CMTM8: variants seen among roughly 807,000 people sequenced by gnomAD.
The protein encoded by CMTM8 is CKLF-like MARVEL transmembrane domain-containing protein 8.
A neutral mutation model predicts 18.6 loss-of-function variants in CMTM8; 12 were observed. The observed-to-expected ratio is 0.65, with a 90% confidence interval of 0.41 to 1.05. The LOEUF (loss-of-function observed/expected upper bound fraction) is 1.05, where lower values mean the gene tolerates loss of function less well. CMTM8 is among the 50% of genes least tolerant of loss of function. The pLI is 0.00. For missense variants in CMTM8, 217 were observed against 227.2 expected (o/e 0.95, Z 0.29); for synonymous variants, 87 against 90.6 (o/e 0.96, Z 0.23).
chr3:32,345,172 C>T (rs1031439683), intron 1 of CMTM8, among the ~76,000 whole-genome samples: 12 of 152,070 alleles, frequency 7.9e-5, no homozygotes, highest in African/African-American at 2.9e-4. Context: ...GGCAAGACCT[C>T]GTTTCTACAA....
chr3:32,290,008 G>A (rs1471083359), intron 1 of CMTM8, among the ~76,000 whole-genome samples: 1 of 152,164 alleles, frequency 6.6e-6, no homozygotes, highest in Non-Finnish European at 1.5e-5. Flanking sequence ...GTGCACACCT[G>A]TAGCCCCAGC....
intron 1 of CMTM8, among the ~76,000 whole-genome samples, chr3:32,314,480 AT>A (rs57318880): frequency 0.64 from 93,234 of 146,670 alleles, 29,350 homozygotes; most frequent in African/African-American, 0.69. Context: ...AAGCCAGAAA[AT>A]TTTTTTTTTT....
intron 1 of CMTM8, among the ~76,000 whole-genome samples, chr3:32,270,818 A>C (rs1343842533): frequency 6.6e-6 from 1 of 152,146 alleles, no homozygotes; most frequent in Admixed American, 6.5e-5. Flanking sequence ...ATGTATACAT[A>C]TGTAACTAAC....
At chr3:32,274,835 G>C (rs961066014) in intron 1 of CMTM8, among the ~76,000 whole-genome samples, 1 of 152,192 alleles carries the variant, frequency 6.6e-6, no homozygotes, top group Non-Finnish European at 1.5e-5. Context: ...CAAGTGAGCT[G>C]TTTGGGGAAT....
chr3:32,338,901 C>A (rs371354487), intron 1 of CMTM8, among the ~76,000 whole-genome samples: 5 of 152,196 alleles, frequency 3.3e-5, no homozygotes, highest in East Asian at 1.9e-4. Context: ...TTAACTGGGG[C>A]TGAAGAATCC....
intron 1 of CMTM8, among the ~76,000 whole-genome samples, chr3:32,253,877 T>C (rs58104890): frequency 0.042 from 6,366 of 152,084 alleles, 466 homozygotes; most frequent in East Asian, 0.32. Flanking sequence ...TGTGCCCAGC[T>C]TGTCCCTTTA....
intron 1 of CMTM8, among the ~76,000 whole-genome samples, chr3:32,298,941 G>GTA (rs1163701245): frequency 0.016 from 2,010 of 124,984 alleles, 46 homozygotes; most frequent in African/African-American, 0.047. Context: ...ATATATATAT[G>GTA]TATATATATA....
intron 1 of CMTM8, among the ~76,000 whole-genome samples, chr3:32,318,652 C>A (rs958715798): frequency 1.3e-5 from 2 of 150,850 alleles, no homozygotes; most frequent in Non-Finnish European, 2.9e-5. Context: ...CTGTAAGCTC[C>A]GCCTCCCAGG....
At chr3:32,244,738 G>C (rs2125527491) in intron 1 of CMTM8, among the ~76,000 whole-genome samples, 1 of 152,226 alleles carries the variant, frequency 6.6e-6, no homozygotes, top group South Asian at 2.1e-4. Flanking sequence ...TGTTTCTAGG[G>C]TTTACTAGCA....
intron 1 of CMTM8, among the ~76,000 whole-genome samples, chr3:32,295,811 C>T (rs1172909314): frequency 2.0e-5 from 3 of 152,114 alleles, no homozygotes; most frequent in Non-Finnish European, 2.9e-5. Flanking sequence ...CTGTGTGATC[C>T]GGGGCCTGCC....
At chr3:32,324,356 G>T (rs115081811) in intron 1 of CMTM8, among the ~76,000 whole-genome samples, 1,980 of 152,240 alleles carry the variant, frequency 0.013, 28 homozygotes, top group Middle Eastern at 0.027. Flanking sequence ...GTTATTCCCA[G>T]AGAAAAAGGG....
At chr3:32,252,347 T>C (rs1367467447) in intron 1 of CMTM8, among the ~76,000 whole-genome samples, 1 of 152,220 alleles carries the variant, frequency 6.6e-6, no homozygotes, top group East Asian at 1.9e-4. Context: ...AATTTTCTAT[T>C]TCTTTGCTAT....
intron 1 of CMTM8, among the ~76,000 whole-genome samples, chr3:32,337,999 A>ATTTTTTTTTTTTTTTTTT: frequency 1.4e-5 from 1 of 73,970 alleles, no homozygotes; most frequent in Non-Finnish European, 2.6e-5. Flanking sequence ...TTTTTTTTTA[A>ATTTTTTTTTTTTTTTTTT]ATTGAGATGG....
At chr3:32,331,551 C>CA (rs370967984) in intron 1 of CMTM8, among the ~76,000 whole-genome samples, 40,692 of 138,076 alleles carry the variant, frequency 0.29, 5,942 homozygotes, top group Non-Finnish European at 0.35. Flanking sequence ...ATAAACCATA[C>CA]AAAAAAAAAA....
At chr3:32,271,648 A>G (rs1273449991) in intron 1 of CMTM8, among the ~76,000 whole-genome samples, 1 of 152,064 alleles carries the variant, frequency 6.6e-6, no homozygotes. Context: ...TTCTAGGTTG[A>G]TGGCCTCCTG....
At chr3:32,341,813 G>T (rs555248674) in intron 1 of CMTM8, among the ~76,000 whole-genome samples, 5 of 152,208 alleles carry the variant, frequency 3.3e-5, no homozygotes, top group African/African-American at 1.2e-4. Flanking sequence ...GGGGTCGGAG[G>T]TTGCAGTGAG....
intron 1 of CMTM8, among the ~76,000 whole-genome samples, chr3:32,308,648 G>A (rs1244091917): frequency 6.6e-6 from 1 of 152,184 alleles, no homozygotes; most frequent in Non-Finnish European, 1.5e-5. Flanking sequence ...GAATCATGAT[G>A]AGGATTAAAT....
chr3:32,335,433 G>A (rs1696367348), intron 1 of CMTM8, among the ~76,000 whole-genome samples: 1 of 152,224 alleles, frequency 6.6e-6, no homozygotes, highest in Non-Finnish European at 1.5e-5. Flanking sequence ...GTCGGAAGCA[G>A]ACCAGCTGGC....
intron 1 of CMTM8, among the ~76,000 whole-genome samples, chr3:32,326,511 C>T (rs1374350906): frequency 7.2e-6 from 1 of 138,894 alleles, no homozygotes; most frequent in African/African-American, 2.6e-5. Context: ...ACTTTTCTTT[C>T]TTTCTTTTTT....
Sources: allele counts gnomAD v4.1 joint callset (sites outside exome capture counted in the v4.1 genomes callset), GRCh38; gene constraint gnomAD v4.1.1; transcripts MANE v1.5; gene names NCBI Gene and HGNC (gene_info 2026-07-23, HGNC 2026-07-21).